The following ADAM18 variants were observed in gnomAD, a reference collection of about 807,000 sequenced individuals.
The protein encoded by ADAM18 is disintegrin and metalloproteinase domain-containing protein 18.
A neutral mutation model predicts 94.4 loss-of-function variants in ADAM18; 117 were observed. That is an observed-to-expected ratio of 1.24 (90% CI 1.07 to 1.45). The LOEUF (loss-of-function observed/expected upper bound fraction) is 1.45, where lower values mean the gene tolerates loss of function less well. Ranked by LOEUF, ADAM18 falls within the 40% of genes most tolerant of loss-of-function variation. ADAM18 has a pLI of 0.00. For synonymous variants in ADAM18, 327 were observed against 291.6 expected (o/e 1.12, Z -1.24); for missense variants, 936 against 880.0 (o/e 1.06, Z -0.81).
chr8:39,609,382 T>A (rs1421976253), intron 4 of ADAM18, 103 bp from the exon 5 acceptor site: 2 of 777,598 alleles, frequency 2.6e-6, no homozygotes, highest in Non-Finnish European at 4.1e-6. Context: ...ATTAATGATC[T>A]TATTATTAAA....
At chr8:39,702,190 A>T (rs779980178) in intron 17 of ADAM18, among the ~76,000 whole-genome samples, 3 of 152,164 alleles carry the variant, frequency 2.0e-5, no homozygotes, top group Non-Finnish European at 2.9e-5. Flanking sequence ...TCTGACTGGC[A>T]TGAAATGGTA....
chr8:39,723,735 G>T lies in ADAM18; in HGVS notation c.2018-13G>T. 1 of 1,444,996 alleles carries T rather than the reference G, an allele frequency of 6.9e-7. No homozygotes were observed. Among genetic ancestry groups the T allele is most frequent in the South Asian group, 1.6e-5 (1 of 61,364 alleles). The allele number at this position is 1,444,996 out of a possible 1,614,324, so 89.5% of individuals were successfully genotyped here. On this transcript the variant is annotated splice_polypyrimidine_tract_variant and intron_variant, in intron 18 of 19. Transcript: ENST00000265707. ...CTGAGTCCCCACTAATTTATCATAT[G>T]ATTCATTTCTAGGTGACTTTTATAC...
chr8:39,610,609 A>C lies in ADAM18; in HGVS notation c.425A>C (p.Gln142Pro), dbSNP rs73605945. 1.9e-6 allele frequency: 3 copies of C among 1,613,022 alleles called. No homozygotes were observed. The highest frequency in any genetic ancestry group is 2.5e-6 in the Non-Finnish European group (3 of 1,179,358). The change falls in exon 6 of 20, where the codon CAA becomes CCA. Residue 142 changes from glutamine to proline, a missense_variant. Coordinates refer to ENST00000265707, the MANE Select transcript of ADAM18 (RefSeq NM_014237.3). ...SSARFEHIIY[Q>P]MKNNDPNVSI... ...GCAAGATTTGAGCATATAATTTATC[A>C]AATGAAAAATAATGATCCAAATGTA...
Position 39,667,980 on chromosome 8 carries a change from T to G in ADAM18, c.1327-18T>G, listed in dbSNP as rs747279138. ...AATGATTTACAGAACTTAATTTTATTTTTCCTTTTCCTCCCAGTTGTCAAT... is the reference window on the plus strand; with the variant it reads ...AATGATTTACAGAACTTAATTTTATGTTTCCTTTTCCTCCCAGTTGTCAAT... On this transcript the variant is annotated intron_variant, in intron 13 of 19. Transcript: ENST00000265707. 3 of 1,608,720 alleles carry G rather than the reference T, an allele frequency of 1.9e-6. No homozygotes were observed. Among genetic ancestry groups the G allele is most frequent in the African/African-American group, 2.7e-5 (2 of 74,738 alleles).
intron 16 of ADAM18, among the ~76,000 whole-genome samples, chr8:39,681,076 CTTTTAACAAATAAAA>C (rs889285804): frequency 2.0e-5 from 3 of 152,084 alleles, no homozygotes; most frequent in Non-Finnish European, 2.9e-5. Flanking sequence ...TAATGACTTG[CTTTTAACAAATAAAA>C]TAGGGCAAAA....
chr8:39,730,021 T>C lies in ADAM18; in HGVS notation c.*81T>C. 7.1e-7 allele frequency: 1 copy of C among 1,406,000 alleles called. No homozygotes were observed. The highest frequency in any genetic ancestry group is 1.0e-6 in the Non-Finnish European group (1 of 996,232). The allele number at this position is 1,406,000 out of a possible 1,614,324, so 87.1% of individuals were successfully genotyped here. A position where few individuals can be genotyped will look rare whatever the true frequency, so the allele number is the denominator to read the frequency against. ...TAACCTTACGTTATCCCCAATGCAT[T>C]GTAAATGTCAAACTTTTGGAAAATA... On this transcript the variant is annotated 3_prime_UTR_variant, in exon 20 of 20. Coordinates refer to ENST00000265707, the MANE Select transcript of ADAM18 (RefSeq NM_014237.3).
intron 2 of ADAM18, among the ~76,000 whole-genome samples, chr8:39,602,181 C>T (rs1738558658): frequency 6.6e-6 from 1 of 151,950 alleles, no homozygotes. Flanking sequence ...GGATGCATAC[C>T]CCACAGTGAG....
chr8:39,623,663 C>T (rs1476619467), intron 6 of ADAM18, among the ~76,000 whole-genome samples: 1 of 152,160 alleles, frequency 6.6e-6, no homozygotes. Context: ...GTGGGGTGAT[C>T]TCGGCTCACT....
intron 6 of ADAM18, among the ~76,000 whole-genome samples, chr8:39,623,025 C>T (rs182718321): frequency 1.4e-4 from 22 of 152,264 alleles, no homozygotes; most frequent in African/African-American, 5.1e-4. Context: ...CTCACTCCCC[C>T]TCTCACCTTC....
rs139793609 is a variant in ADAM18, at chr8:39,676,583, C to T, written c.1526-848C>T. On this transcript the variant is annotated intron_variant, in intron 14 of 19. Coordinates refer to ENST00000265707, the MANE Select transcript of ADAM18 (RefSeq NM_014237.3). The stretch of plus-strand genomic sequence containing the variant: ...CCTTGGCTAGGAAAGGGAAATCCCT[C>T]GACTCCTTGCTCTTCTTGGGCAGGG... 1.6e-3 allele frequency among the ~76,000 whole-genome samples: 185 copies of T among 114,636 alleles called. 1 individual carries two copies. Among genetic ancestry groups the T allele is most frequent in the African/African-American group, 5.0e-3 (145 of 29,274 alleles). 75.2% of individuals were successfully genotyped at this position (114,636 alleles called of 152,430 possible). A position where few individuals can be genotyped will look rare whatever the true frequency, so the allele number is the denominator to read the frequency against.
chr8:39,703,028 T>C (rs1822132800), intron 17 of ADAM18, among the ~76,000 whole-genome samples: 1 of 152,218 alleles, frequency 6.6e-6, no homozygotes, highest in Non-Finnish European at 1.5e-5. Context: ...AGCAAGTCAA[T>C]GTTAATTTAA....
intron 16 of ADAM18, among the ~76,000 whole-genome samples, chr8:39,689,392 A>T (rs937458125): frequency 2.0e-5 from 3 of 152,212 alleles, no homozygotes; most frequent in African/African-American, 7.2e-5. Flanking sequence ...GAAGCAGTCC[A>T]GTTTCAATAT....
chr8:39,706,390 T>C (rs1028512397), intron 17 of ADAM18, among the ~76,000 whole-genome samples: 1 of 152,152 alleles, frequency 6.6e-6, no homozygotes, highest in East Asian at 1.9e-4. Context: ...TCACAATGCT[T>C]TCTATAGACA....
intron 2 of ADAM18, among the ~76,000 whole-genome samples, chr8:39,605,054 GAT>G (rs1819027716): frequency 6.6e-6 from 1 of 152,118 alleles, no homozygotes; most frequent in Non-Finnish European, 1.5e-5. Flanking sequence ...GGAATAATGG[GAT>G]GAGATTTGCC....
At chr8:39,653,089 A>G (rs186305191) in intron 12 of ADAM18, among the ~76,000 whole-genome samples, 17 of 152,176 alleles carry the variant, frequency 1.1e-4, no homozygotes, top group Middle Eastern at 3.4e-3. Context: ...GCATAAGTTC[A>G]TGGTGACTAT....
At chr8:39,676,223 G>A (rs917480459) in intron 14 of ADAM18, among the ~76,000 whole-genome samples, 1 of 152,228 alleles carries the variant, frequency 6.6e-6, no homozygotes, top group Non-Finnish European at 1.5e-5. Flanking sequence ...GTTGTCTGCT[G>A]TCTTTTGTTC....
At chr8:39,605,776 G>A (rs1438723799) in intron 2 of ADAM18, 1 of 196,866 alleles carries the variant, frequency 5.1e-6, no homozygotes. Flanking sequence ...GTTCTTTAGT[G>A]GTGATTTGTG....
intron 18 of ADAM18, among the ~76,000 whole-genome samples, chr8:39,714,181 A>G (rs1180606362): frequency 1.3e-5 from 2 of 152,156 alleles, no homozygotes; most frequent in Admixed American, 6.5e-5. Flanking sequence ...TGAGCAAACT[A>G]TCACAGGACA....
intron 14 of ADAM18, among the ~76,000 whole-genome samples, chr8:39,675,176 T>C (rs1012877846): frequency 1.3e-5 from 2 of 152,242 alleles, no homozygotes; most frequent in Non-Finnish European, 2.9e-5. Context: ...CCTGTCTTGT[T>C]AGGTTGGGGA....
Sources: gnomAD v4.1 joint callset for allele counts (sites outside exome capture counted in the v4.1 genomes callset) on GRCh38, gnomAD v4.1.1 for gene constraint, MANE v1.5 for transcripts, NCBI Gene and HGNC (gene_info 2026-07-23, HGNC 2026-07-21) for gene names.